Variants in VPS41 observed in about 807,000 individuals in gnomAD.
VPS41 encodes the protein VPS41 subunit of HOPS complex, also known as vacuolar protein sorting-associated protein 41 homolog.
Under a neutral mutation model 130.9 loss-of-function variants are expected in VPS41, and 85 were observed. The observed-to-expected ratio is 0.65, with a 90% CI of 0.55 to 0.78. The LOEUF (loss-of-function observed/expected upper bound fraction) is 0.78. Among genes scored for constraint, VPS41 ranks in the 30% least tolerant of loss-of-function variants. The pLI is 0.00. For synonymous variants in VPS41, 335 were observed against 332.9 expected (o/e 1.01, Z -0.07); for missense variants, 874 against 1,018.7 (o/e 0.86, Z 1.93).
At chr7:38,891,737 A>C (rs1453556515) in intron 2 of VPS41, among the ~76,000 whole-genome samples, 1 of 152,248 alleles carries the variant, frequency 6.6e-6, no homozygotes, top group Non-Finnish European at 1.5e-5. Context: ...TTAAAAATTA[A>C]TGCCATTAAT....
chr7:38,796,019 A>G (rs1056022151), intron 8 of VPS41, among the ~76,000 whole-genome samples: 3 of 152,236 alleles, frequency 2.0e-5, no homozygotes, highest in Admixed American at 2.0e-4. Flanking sequence ...CTGACATTTT[A>G]AAGTTCTCAA....
chr7:38,779,717 G>T (rs1015377126), intron 10 of VPS41, among the ~76,000 whole-genome samples: 24 of 152,162 alleles, frequency 1.6e-4, no homozygotes, highest in Non-Finnish European at 7.3e-5. Context: ...TCCCAGAAGG[G>T]CTGGCTGCAG....
intron 2 of VPS41, among the ~76,000 whole-genome samples, chr7:38,879,232 A>T (rs1786551468): frequency 6.6e-6 from 1 of 152,188 alleles, no homozygotes; most frequent in African/African-American, 2.4e-5. Context: ...AAGCTGGTAG[A>T]TCCAGCGTTG....
rs531456555 is a variant in VPS41, at chr7:38,864,451, T to A, written c.169-1829A>T. On this transcript the variant is annotated intron_variant, in intron 3 of 28. Coordinates refer to ENST00000310301, the MANE Select transcript of VPS41 (RefSeq NM_014396.4). ...GTTAGAACATTTTGGAAAAAAAAGA[T>A]TCAGTGATTTTTATGACAAGCTATC... 4.0e-4 allele frequency among the ~76,000 whole-genome samples: 61 copies of A among 152,322 alleles called. 2 individuals are homozygous for A. In the South Asian group the frequency reaches 0.013, roughly 32 times the overall value.
At chr7:38,905,065 A>T (rs1787227779) in intron 1 of VPS41, among the ~76,000 whole-genome samples, 1 of 152,184 alleles carries the variant, frequency 6.6e-6, no homozygotes, top group African/African-American at 2.4e-5. Context: ...TTTCACGCAA[A>T]TCCTACTAAT....
intron 5 of VPS41, 123 bp from the exon 6 acceptor site, chr7:38,821,388 C>A: frequency 1.5e-6 from 1 of 682,078 alleles, no homozygotes; most frequent in Non-Finnish European, 2.5e-6. Flanking sequence ...GCCCCGTGAC[C>A]TCTATTAAAT....
chr7:38,870,204 T>C (rs1480488956), intron 2 of VPS41, among the ~76,000 whole-genome samples: 2 of 152,070 alleles, frequency 1.3e-5, no homozygotes, highest in Non-Finnish European at 2.9e-5. Flanking sequence ...GGCTAAGATA[T>C]CAGTGGAAGA....
At chr7:38,900,520 A>G (rs192528435) in intron 1 of VPS41, among the ~76,000 whole-genome samples, 5 of 152,304 alleles carry the variant, frequency 3.3e-5, no homozygotes, top group Admixed American at 6.5e-5. Context: ...TTGCACCTGT[A>G]CCCATTAAAT....
intron 1 of VPS41, among the ~76,000 whole-genome samples, chr7:38,901,316 T>C (rs1167303613): frequency 6.6e-6 from 1 of 152,178 alleles, no homozygotes; most frequent in Non-Finnish European, 1.5e-5. Context: ...TCTAAAGGAA[T>C]ACCTAACTAA....
intron 4 of VPS41, among the ~76,000 whole-genome samples, chr7:38,851,495 A>G (rs747432764): frequency 2.5e-4 from 38 of 152,234 alleles, no homozygotes; most frequent in Non-Finnish European, 4.4e-4. Context: ...GCACGGATCA[A>G]TAGTTCATTC....
intron 5 of VPS41, among the ~76,000 whole-genome samples, chr7:38,828,415 C>T (rs1168947057): frequency 2.0e-5 from 3 of 152,016 alleles, no homozygotes; most frequent in East Asian, 1.9e-4. Flanking sequence ...AAAGGTTATC[C>T]TTGAAATAAC....
chr7:38,886,704 C>G (rs1335109450), intron 2 of VPS41, among the ~76,000 whole-genome samples: 4 of 152,230 alleles, frequency 2.6e-5, no homozygotes, highest in African/African-American at 9.6e-5. Flanking sequence ...CAATAACGGA[C>G]AGACTGCCTC....
Position 38,795,807 on chromosome 7 carries a change from T to C in VPS41, c.571-196A>G, listed in dbSNP as rs1450982479. On this transcript the variant is annotated intron_variant, in intron 8 of 28. Coordinates refer to ENST00000310301, the MANE Select transcript of VPS41 (RefSeq NM_014396.4). ...AACCACAAGGAAACCTCCACCCTTCTTTCTGGACAAAGGAGATTTTCTTAG... is the reference window on the plus strand; with the variant it reads ...AACCACAAGGAAACCTCCACCCTTCCTTCTGGACAAAGGAGATTTTCTTAG... 2.6e-5 allele frequency among the ~76,000 whole-genome samples: 4 copies of C among 152,192 alleles called. 1 individual carries two copies. Among genetic ancestry groups the C allele is most frequent in the African/African-American group, 9.6e-5 (4 of 41,462 alleles).
At chr7:38,850,642 C>T (rs992589108) in intron 4 of VPS41, among the ~76,000 whole-genome samples, 13 of 152,004 alleles carry the variant, frequency 8.6e-5, no homozygotes, top group African/African-American at 2.4e-4. Context: ...GACTTGGTAG[C>T]GACTTAATTC....
At chr7:38,730,170 T>A (rs1795634688) in intron 25 of VPS41, among the ~76,000 whole-genome samples, 2 of 152,220 alleles carry the variant, frequency 1.3e-5, no homozygotes, top group Admixed American at 1.3e-4. Context: ...CAAGTGCCAC[T>A]GTTTAGAGGG....
At chr7:38,810,099 CTCT>C (rs1252602436) in intron 7 of VPS41, among the ~76,000 whole-genome samples, 1 of 140,516 alleles carries the variant, frequency 7.1e-6, no homozygotes, top group Non-Finnish European at 1.6e-5. Context: ...GATGTGCTTT[CTCT>C]TTTTTTTTTT....
rs1184095983 is a variant in VPS41, at chr7:38,767,548, G to A, written c.1236C>T (p.Asp412=). Residue 412 remains aspartate (D), a synonymous_variant, in exon 15 of 29, where the codon GAC becomes GAT. Transcript: ENST00000310301. ...AATGTCATCATTACCGTGCTGCTAT[G>A]TCATAGTCTCCTCTCTCCACCAGGT... ...INHLVERGDY[D]IAARKCQKIL... 2 of 1,607,008 alleles carry A rather than the reference G, an allele frequency of 1.2e-6. No individual in the cohort carries two copies. The highest frequency in any genetic ancestry group is 2.2e-5 in the East Asian group (1 of 44,592).
chr7:38,839,262 T>C (rs1325477180), intron 4 of VPS41, among the ~76,000 whole-genome samples: 1 of 152,190 alleles, frequency 6.6e-6, no homozygotes, highest in East Asian at 1.9e-4. Flanking sequence ...TACTCTCCAC[T>C]GATGATACAC....
chr7:38,748,241 A>C (rs1043867711), intron 22 of VPS41, among the ~76,000 whole-genome samples: 1 of 152,226 alleles, frequency 6.6e-6, no homozygotes, highest in Non-Finnish European at 1.5e-5. Context: ...ACACACGCGG[A>C]CAATGCAGTG....
Sources: allele counts gnomAD v4.1 joint callset (sites outside exome capture counted in the v4.1 genomes callset), GRCh38; gene constraint gnomAD v4.1.1; transcripts MANE v1.5; gene names NCBI Gene and HGNC (gene_info 2026-07-23, HGNC 2026-07-21).